NUP210L: variants seen among roughly 807,000 people sequenced by gnomAD.
The protein encoded by NUP210L is nuclear pore membrane glycoprotein 210-like.
Under a neutral mutation model 208.5 loss-of-function variants are expected in NUP210L, and 74 were observed. The ratio of observed to expected loss-of-function variants is 0.35; its 90% CI spans 0.29 to 0.43. The LOEUF (loss-of-function observed/expected upper bound fraction) is 0.43. NUP210L is among the 20% of genes least tolerant of loss of function. The probability of loss-of-function intolerance (pLI) is 1.00; values close to 1 mark genes in which losing one functional copy is unlikely to be tolerated. For synonymous variants in NUP210L, 780 were observed against 816.9 expected, an observed-to-expected ratio of 0.95 and a Z score of 0.77; for missense variants, 1,843 against 2,289.4, an observed-to-expected ratio of 0.81 and a Z score of 3.98.
At chr1:153,995,825 C>G (rs556087203) in intron 37 of NUP210L, 7 of 619,604 alleles carry the variant, frequency 1.1e-5, no homozygotes, top group South Asian at 2.8e-5. Context: ...GAAGTTCTTA[C>G]GAGATTGTCC....
Position 154,092,224 on chromosome 1 carries a change from C to T in NUP210L, c.2188-2630G>A, listed in dbSNP as rs190072865. Among the ~76,000 whole-genome samples the T allele has an allele frequency of 4.7e-3, 695 of 149,174 alleles. 1 individual carries two copies. Among genetic ancestry groups the T allele is most frequent in the Non-Finnish European group, 7.4e-3 (495 of 67,220 alleles). On this transcript the variant is annotated intron_variant, in intron 15 of 39. Transcript: ENST00000368559. ...CTGAGTAGCTGGGACTACAGGCACG[C>T]GCCACCACGCCTGGCTAATTTTTTT...
chr1:154,081,588 C>A (rs999697030), intron 16 of NUP210L, among the ~76,000 whole-genome samples: 2 of 152,146 alleles, frequency 1.3e-5, no homozygotes, highest in Admixed American at 6.6e-5. Context: ...GCCCCACCTC[C>A]AGGGAAAAGA....
chr1:154,083,953 G>A (rs1425869348), intron 16 of NUP210L, among the ~76,000 whole-genome samples: 1 of 151,762 alleles, frequency 6.6e-6, no homozygotes, highest in African/African-American at 2.4e-5. Flanking sequence ...AGTTACTAAG[G>A]GTAAAAGTTA....
chr1:154,110,125 C>T (rs1656969278), intron 12 of NUP210L, among the ~76,000 whole-genome samples: 1 of 150,064 alleles, frequency 6.7e-6, no homozygotes, highest in Non-Finnish European at 1.5e-5. Context: ...ATCCCAGCTA[C>T]TCAGGAGGCT....
At chr1:154,015,410 A>G (rs1209960882) in intron 33 of NUP210L, among the ~76,000 whole-genome samples, 2 of 151,932 alleles carry the variant, frequency 1.3e-5, no homozygotes, top group Non-Finnish European at 2.9e-5. Context: ...ACAGGGTGAA[A>G]CCCCATCTAT....
At chr1:154,154,096 G>A (rs1571338758) in intron 1 of NUP210L, among the ~76,000 whole-genome samples, 3 of 152,058 alleles carry the variant, frequency 2.0e-5, no homozygotes, top group East Asian at 3.8e-4. Flanking sequence ...TCATTATCCC[G>A]GAGTTGTGTG....
In NUP210L at chr1:154,061,115, C is replaced by T. The variant is rs878973230; in HGVS notation, c.2644-69G>A. 14 of 1,072,470 alleles carry T rather than the reference C, an allele frequency of 1.3e-5. 1 individual carries two copies. The highest frequency in any genetic ancestry group is 4.8e-5 in the East Asian group (2 of 41,718). 66.4% of individuals were successfully genotyped at this position (1,072,470 alleles called of 1,614,324 possible). A position where few individuals can be genotyped will look rare whatever the true frequency, so the allele number is the denominator to read the frequency against. On this transcript the variant is annotated intron_variant, in intron 18 of 39. Coordinates refer to ENST00000368559, the Ensembl canonical transcript of NUP210L. Reference sequence around the variant, plus strand: ...ATTCTTGGCCGCCCACGGTGGCTTACGCTTGTAATCCCAGCACTTTGGGAG... The same window carrying T: ...ATTCTTGGCCGCCCACGGTGGCTTATGCTTGTAATCCCAGCACTTTGGGAG...
intron 10 of NUP210L, among the ~76,000 whole-genome samples, chr1:154,124,352 G>A (rs376742224): frequency 8.5e-5 from 13 of 152,296 alleles, no homozygotes; most frequent in African/African-American, 3.1e-4. Context: ...TGTCTAAACT[G>A]AGTGAAAGGA....
intron 16 of NUP210L, among the ~76,000 whole-genome samples, chr1:154,081,335 GA>G (rs1655312869): frequency 6.6e-6 from 1 of 151,920 alleles, no homozygotes; most frequent in African/African-American, 2.4e-5. Context: ...TGTTACTAAA[GA>G]AAAGGTCATT....
At chr1:154,094,909 A>C (rs776921553) in intron 15 of NUP210L, 26 bp downstream of exon 15, 6 of 1,558,636 alleles carry the variant, frequency 3.8e-6, no homozygotes, top group Non-Finnish European at 5.3e-6. Context: ...CACTAAAGAA[A>C]ATGTTATAAA....
chr1:154,126,801 A>C (rs550770678), intron 9 of NUP210L, among the ~76,000 whole-genome samples: 14 of 152,278 alleles, frequency 9.2e-5, no homozygotes, highest in African/African-American at 3.1e-4. Context: ...TCTGATATTC[A>C]TATTACTACT....
intron 13 of NUP210L, among the ~76,000 whole-genome samples, chr1:154,102,013 T>C (rs975330185): frequency 6.6e-6 from 1 of 151,896 alleles, no homozygotes; most frequent in African/African-American, 2.4e-5. Flanking sequence ...TAGCCAGGTG[T>C]AGTGGCACGT....
At chr1:154,135,677 T>C in intron 7 of NUP210L, 137 bp downstream of exon 7, 2 of 676,106 alleles carry the variant, frequency 3.0e-6, no homozygotes, top group East Asian at 3.1e-5. Context: ...CGCCTCGGCC[T>C]CCCAAAGTGC....
intron 33 of NUP210L, 73 bp from the exon 34 acceptor site, chr1:154,012,443 T>A: frequency 7.1e-7 from 1 of 1,400,204 alleles, no homozygotes; most frequent in Middle Eastern, 1.8e-4. Flanking sequence ...CCACCCCTCA[T>A]AACTTATTTA....
chr1:154,063,472 G>C (rs912358617), intron 17 of NUP210L, among the ~76,000 whole-genome samples: 1 of 152,276 alleles, frequency 6.6e-6, no homozygotes, highest in South Asian at 2.1e-4. Flanking sequence ...GGGTCAGTCT[G>C]TTAAGCTACA....
chr1:154,077,838 A>G (rs1655121188), intron 16 of NUP210L, among the ~76,000 whole-genome samples: 1 of 151,962 alleles, frequency 6.6e-6, no homozygotes, highest in South Asian at 2.1e-4. Context: ...TACAAAAATT[A>G]GCCAGTCATG....
chr1:154,091,106 T>C (rs1047575765), intron 15 of NUP210L, among the ~76,000 whole-genome samples: 9 of 147,534 alleles, frequency 6.1e-5, no homozygotes, highest in African/African-American at 2.0e-4. Context: ...TTATTATTAT[T>C]ATTATTTGAG....
At chr1:154,077,731 T>A (rs1655116188) in intron 16 of NUP210L, among the ~76,000 whole-genome samples, 2 of 152,176 alleles carry the variant, frequency 1.3e-5, no homozygotes, top group African/African-American at 4.8e-5. Context: ...ACGCCTATAA[T>A]CTCAGCAGTT....
intron 25 of NUP210L, among the ~76,000 whole-genome samples, chr1:154,051,073 A>C (rs1653462048): frequency 6.6e-6 from 1 of 152,224 alleles, no homozygotes; most frequent in Non-Finnish European, 1.5e-5. Flanking sequence ...ACCCAATTGC[A>C]AATAGCAGTT....
Sources: gnomAD v4.1 joint callset for allele counts (sites outside exome capture counted in the v4.1 genomes callset) on GRCh38, gnomAD v4.1.1 for gene constraint, MANE v1.5 for transcripts, NCBI Gene and HGNC (gene_info 2026-07-23, HGNC 2026-07-21) for gene names.